Variants in HIVEP3 observed in about 807,000 individuals in gnomAD.
HIVEP3 encodes HIVEP zinc finger 3.
Under a neutral mutation model 152.8 loss-of-function variants are expected in HIVEP3, and 49 were observed. The observed-to-expected ratio is 0.32, with a 90% CI of 0.26 to 0.41. The LOEUF is 0.41. HIVEP3 is among the 10% of genes least tolerant of loss of function. The pLI is 1.00. For synonymous variants in HIVEP3, 1,269 were observed against 1,289.0 expected (o/e 0.98, Z 0.33); for missense variants, 2,790 against 3,103.3 (o/e 0.90, Z 2.40).
intron 1 of HIVEP3, among the ~76,000 whole-genome samples, chr1:41,708,157 T>G (rs748409448): frequency 1.3e-5 from 2 of 152,178 alleles, no homozygotes; most frequent in Non-Finnish European, 2.9e-5. Context: ...AGGGACTACC[T>G]TTGTGGGGAC....
chr1:41,914,719 T>C (rs1557516672), intron 1 of HIVEP3, among the ~76,000 whole-genome samples: 2 of 152,162 alleles, frequency 1.3e-5, no homozygotes, highest in Admixed American at 6.5e-5. Context: ...GGTGTGGCCA[T>C]GACAGCTTGA....
intron 1 of HIVEP3, among the ~76,000 whole-genome samples, chr1:41,963,421 T>C (rs1043985506): frequency 2.6e-5 from 4 of 151,076 alleles, no homozygotes; most frequent in African/African-American, 9.8e-5. Flanking sequence ...TCCATGTCCT[T>C]ACAAAGGACA....
chr1:41,751,888 T>TGTCCAAAGCCTGTGATGGGTGGAGG (rs1647170053), intron 1 of HIVEP3, among the ~76,000 whole-genome samples: 1 of 152,156 alleles, frequency 6.6e-6, no homozygotes, highest in African/African-American at 2.4e-5. Flanking sequence ...GAGAGGGAGT[T>TGTCCAAAGCCTGTGATGGGTGGAGG]GTCCAAAGCC....
intron 1 of HIVEP3, among the ~76,000 whole-genome samples, chr1:41,872,813 G>A (rs1326111742): frequency 6.6e-6 from 1 of 152,154 alleles, no homozygotes; most frequent in Non-Finnish European, 1.5e-5. Flanking sequence ...GGGTATTTGG[G>A]CTGCTTTTAG....
chr1:41,627,872 CTCCGTCCA>C (rs1269582032), intron 3 of HIVEP3, among the ~76,000 whole-genome samples: 1 of 151,918 alleles, frequency 6.6e-6, no homozygotes, highest in Non-Finnish European at 1.5e-5. Context: ...AACTCCCTCC[CTCCGTCCA>C]TCCCTCCCTC....
intron 2 of HIVEP3, among the ~76,000 whole-genome samples, chr1:41,653,572 G>C (rs1313723180): frequency 1.4e-4 from 22 of 152,094 alleles, no homozygotes; most frequent in Admixed American, 1.2e-3. Flanking sequence ...TTAAAATAAA[G>C]AGCCCAGATA....
intron 1 of HIVEP3, among the ~76,000 whole-genome samples, chr1:42,032,363 T>C (rs776509698): frequency 2.0e-5 from 3 of 152,158 alleles, no homozygotes; most frequent in Non-Finnish European, 4.4e-5. Flanking sequence ...ATTCCCAACC[T>C]GACCAAGAAG....
chr1:41,604,086 G>C (rs1285286222), intron 3 of HIVEP3, among the ~76,000 whole-genome samples: 1 of 152,182 alleles, frequency 6.6e-6, no homozygotes, highest in African/African-American at 2.4e-5. Context: ...ATTGTTAGTG[G>C]GAAGGTAAAT....
In HIVEP3 at chr1:41,584,851, T is replaced by A. The variant is rs1188254756; in HGVS notation, c.-54A>T. 7.1e-7 allele frequency: 1 copy of A among 1,411,182 alleles called. No individual in the cohort carries two copies. The highest frequency in any genetic ancestry group is 9.4e-7 in the Non-Finnish European group (1 of 1,066,350). The allele number at this position is 1,411,182 out of a possible 1,614,324, so 87.4% of individuals were successfully genotyped here. A position where few individuals can be genotyped will look rare whatever the true frequency, so the allele number is the denominator to read the frequency against. ...CAGGGAGAGTCAGGGCGGGCTGCAT[T>A]TATGAATAATCCCAGTGTCCCAAGG... On this transcript the variant is annotated 5_prime_UTR_variant, in exon 4 of 9. The change abolishes the stop of an existing upstream ORF in the 5' untranslated region. Transcript: ENST00000372583. This position sits in a 1 kb window ranked among gnomAD's most constrained non-coding sequence, Gnocchi z 5.2.
At chr1:41,775,705 G>T (rs1648661892) in intron 1 of HIVEP3, among the ~76,000 whole-genome samples, 1 of 152,068 alleles carries the variant, frequency 6.6e-6, no homozygotes, top group African/African-American at 2.4e-5. Flanking sequence ...GGCCAGGCTG[G>T]TCTTAAACTC....
rs769827954 is a variant in HIVEP3, at chr1:41,524,878, C to T, written c.5240G>A (p.Arg1747Gln). The T allele has an allele frequency of 6.8e-6, 11 of 1,614,114 alleles. No homozygotes were observed. Among genetic ancestry groups the T allele is most frequent in the East Asian group, 4.5e-5 (2 of 44,886 alleles). The change falls in exon 6 of 9, where the codon CGA becomes CAA. Residue 1747 changes from arginine to glutamine, a missense_variant. Transcript: ENST00000372583. ...YKSNEEYVYV[R>Q]GRGRGKYVCE... ...AACATATTTCCCTCGGCCGCGGCCT[C>T]GCACATATACATACTCTTCGTTTGA...
At chr1:41,792,336 A>G (rs1440906826) in intron 1 of HIVEP3, among the ~76,000 whole-genome samples, 1 of 152,198 alleles carries the variant, frequency 6.6e-6, no homozygotes, top group Non-Finnish European at 1.5e-5. Context: ...GCTCTTGAGC[A>G]TATTCTGCCC....
At chr1:41,912,253 TC>T (rs1387771938) in intron 1 of HIVEP3, among the ~76,000 whole-genome samples, 1 of 152,228 alleles carries the variant, frequency 6.6e-6, no homozygotes, top group Non-Finnish European at 1.5e-5. Flanking sequence ...ACATTCTTTT[TC>T]TCAAATTGAC....
chr1:41,708,021 A>G (rs1646459614), intron 1 of HIVEP3, among the ~76,000 whole-genome samples: 1 of 152,234 alleles, frequency 6.6e-6, no homozygotes, highest in African/African-American at 2.4e-5. Context: ...GCTGATGAGC[A>G]GAAGACTTGT....
At chr1:41,676,226 A>G (rs1454275534) in intron 2 of HIVEP3, among the ~76,000 whole-genome samples, 1 of 151,976 alleles carries the variant, frequency 6.6e-6, no homozygotes, top group Non-Finnish European at 1.5e-5. Flanking sequence ...TAATTTTTGT[A>G]TTTTTAGTAG....
At chr1:41,705,351 G>A (rs1334234727) in intron 1 of HIVEP3, among the ~76,000 whole-genome samples, 1 of 152,220 alleles carries the variant, frequency 6.6e-6, no homozygotes, top group African/African-American at 2.4e-5. Context: ...CCATCCAGCA[G>A]AGAAGGACAG....
intron 1 of HIVEP3, among the ~76,000 whole-genome samples, chr1:41,865,200 A>G (rs191911953): frequency 1.3e-5 from 2 of 152,298 alleles, no homozygotes. Context: ...GCCATCTTTT[A>G]TAATAGTCAC....
At chr1:41,763,152 G>A (rs1448845704) in intron 1 of HIVEP3, among the ~76,000 whole-genome samples, 2 of 152,318 alleles carry the variant, frequency 1.3e-5, no homozygotes, top group East Asian at 3.9e-4. Flanking sequence ...AAAGGGGTCA[G>A]AGACCCTCTT....
intron 5 of HIVEP3, among the ~76,000 whole-genome samples, chr1:41,531,171 G>A (rs1039007044): frequency 6.8e-6 from 1 of 146,582 alleles, no homozygotes; most frequent in Admixed American, 6.8e-5. Flanking sequence ...GAGGACAGGA[G>A]CGAAGGGAGG....
Sources: allele counts gnomAD v4.1 joint callset (sites outside exome capture counted in the v4.1 genomes callset), GRCh38; gene constraint gnomAD v4.1.1; non-coding constraint Gnocchi (gnomAD v3.1); transcripts MANE v1.5; gene names NCBI Gene and HGNC (gene_info 2026-07-23, HGNC 2026-07-21).